PIAS2: variants seen among roughly 807,000 people sequenced by gnomAD.
PIAS2 encodes protein inhibitor of activated STAT 2.
PIAS2 carries 19 observed loss-of-function variants against 69.7 expected under a neutral mutation model. That is an observed-to-expected ratio of 0.27 (90% CI 0.19 to 0.40). PIAS2 has a LOEUF of 0.40. PIAS2 is among the 10% of genes least tolerant of loss of function. PIAS2 has a pLI of 1.00. For synonymous variants in PIAS2, 261 were observed against 263.2 expected, an observed-to-expected ratio of 0.99 and a Z score of 0.08; for missense variants, 624 against 757.0, an observed-to-expected ratio of 0.82 and a Z score of 2.06.
At chr18:46,898,527 G>A (rs2055260818) in intron 1 of PIAS2, among the ~76,000 whole-genome samples, 1 of 151,902 alleles carries the variant, frequency 6.6e-6, no homozygotes, top group Non-Finnish European at 1.5e-5. Flanking sequence ...ACAATCCACT[G>A]AAAAATTTAA....
chr18:46,836,529 G>A lies in PIAS2; in HGVS notation c.1042-12C>T, dbSNP rs2044455585. 1.3e-6 allele frequency: 2 copies of A among 1,596,578 alleles called. No homozygotes were observed. The highest frequency in any genetic ancestry group is 1.3e-5 in the African/African-American group (1 of 74,478). On this transcript the variant is annotated splice_polypyrimidine_tract_variant and intron_variant, in intron 8 of 13. Coordinates refer to ENST00000585916, the MANE Select transcript of PIAS2 (RefSeq NM_004671.5). ...CTCATTTTTCCTAACTACAGGACAGGAAACACAAGGAAAACTATTTCAGAA... is the reference window on the plus strand; with the variant it reads ...CTCATTTTTCCTAACTACAGGACAGAAAACACAAGGAAAACTATTTCAGAA...
chr18:46,856,532 A>G (rs1280508017), intron 3 of PIAS2, among the ~76,000 whole-genome samples: 5 of 152,174 alleles, frequency 3.3e-5, no homozygotes, highest in Admixed American at 6.5e-5. Context: ...GGTCCCATGT[A>G]AAATATATTT....
At chr18:46,908,577 G>A (rs551813450) in intron 1 of PIAS2, among the ~76,000 whole-genome samples, 29 of 152,008 alleles carry the variant, frequency 1.9e-4, no homozygotes, top group African/African-American at 5.8e-4. Context: ...AAAAAACTAC[G>A]TCTTATACTT....
chr18:46,862,769 G>A (rs190874900), intron 3 of PIAS2, among the ~76,000 whole-genome samples: 13 of 152,088 alleles, frequency 8.5e-5, no homozygotes, highest in African/African-American at 2.2e-4. Flanking sequence ...GCAGTGGTGC[G>A]ATCTCGGCTC....
chr18:46,855,103 TAAAAAAAAAAAAAAAA>T (rs59957336), intron 5 of PIAS2, among the ~76,000 whole-genome samples: 2 of 76,346 alleles, frequency 2.6e-5, no homozygotes, highest in South Asian at 1.1e-3. Flanking sequence ...CTTGTCTCTT[TAAAAAAAAAAAAAAAA>T]AAAAAAAAAA....
At chr18:46,813,666 T>C (rs2144706695) in intron 13 of PIAS2, among the ~76,000 whole-genome samples, 1 of 152,290 alleles carries the variant, frequency 6.6e-6, no homozygotes, top group Admixed American at 6.5e-5. Flanking sequence ...TTAGACTACA[T>C]GATTTCCAAG....
intron 1 of PIAS2, among the ~76,000 whole-genome samples, chr18:46,900,517 A>T (rs929947088): frequency 2.0e-5 from 3 of 151,820 alleles, no homozygotes; most frequent in Admixed American, 6.6e-5. Context: ...AAAAAAAAAA[A>T]TTGTTTTTAA....
At chr18:46,891,698 A>C in intron 1 of PIAS2, 3 of 942,914 alleles carry the variant, frequency 3.2e-6, no homozygotes, top group Non-Finnish European at 3.8e-6. Context: ...TGGGTATCCA[A>C]ATGAGAAAAA....
intron 1 of PIAS2, among the ~76,000 whole-genome samples, chr18:46,895,866 G>A (rs1441187643): frequency 7.2e-5 from 11 of 152,116 alleles, no homozygotes; most frequent in Admixed American, 6.6e-4. Flanking sequence ...TGTATTCCTG[G>A]TGAAATCATG....
Position 46,887,550 on chromosome 18 carries a change from C to A in PIAS2, c.499+3030G>T, listed in dbSNP as rs571161278. Among the ~76,000 whole-genome samples the A allele has an allele frequency of 2.0e-5, 3 of 152,244 alleles. No homozygotes were observed. The East Asian group carries it at 5.8e-4, about 29-fold the overall frequency. ...TATATTTGTAAATAACTTCATTAGG[C>A]AGTAAGAATTATAACACAGCAATGC... is the stretch of plus-strand genomic sequence containing the variant. On this transcript the variant is annotated intron_variant, in intron 2 of 13. Coordinates refer to ENST00000585916, the MANE Select transcript of PIAS2 (RefSeq NM_004671.5).
intron 2 of PIAS2, among the ~76,000 whole-genome samples, chr18:46,880,630 A>C (rs556785087): frequency 2.0e-5 from 3 of 152,346 alleles, no homozygotes; most frequent in African/African-American, 7.2e-5. Context: ...AAATTGGGAC[A>C]AAAAATTTAA....
intron 11 of PIAS2, among the ~76,000 whole-genome samples, chr18:46,824,643 T>G (rs979539946): frequency 2.6e-5 from 4 of 152,272 alleles, no homozygotes; most frequent in African/African-American, 4.8e-5. Context: ...GCTTTCTTCT[T>G]GGTGCTTTGT....
intron 3 of PIAS2, among the ~76,000 whole-genome samples, chr18:46,860,694 G>T (rs1356783715): frequency 6.6e-6 from 1 of 152,152 alleles, no homozygotes; most frequent in Admixed American, 6.5e-5. Flanking sequence ...TGGGAATGCT[G>T]GCTCACATCT....
At chr18:46,915,513 G>C (rs1374051772) in intron 1 of PIAS2, 1 of 150,982 alleles carries the variant, frequency 6.6e-6, no homozygotes, top group African/African-American at 2.4e-5. Context: ...TTGTGGGAGA[G>C]GGGCCATCTT....
At position 46,816,215 on chromosome 18, in the gene PIAS2, C is replaced by T. The variant is rs370478377; in HGVS notation, c.1649-866G>A. On this transcript the variant is annotated intron_variant, in intron 12 of 13. Coordinates refer to ENST00000585916, the MANE Select transcript of PIAS2 (RefSeq NM_004671.5). ...TTTATGCTGGCATTCAGAGACACCC[C>T]GAATATAACCACCACACAGAGAAAG... is the stretch of plus-strand genomic sequence containing the variant. 22 of 985,048 alleles carry T rather than the reference C, an allele frequency of 2.2e-5. No individual in the cohort carries two copies. The East Asian group carries it at 5.7e-4, about 25-fold the overall frequency. 61.0% of individuals were successfully genotyped at this position (985,048 alleles called of 1,614,324 possible). A position where few individuals can be genotyped will look rare whatever the true frequency, so the allele number is the denominator to read the frequency against.
At chr18:46,904,969 G>T (rs1461083819) in intron 1 of PIAS2, among the ~76,000 whole-genome samples, 1 of 152,082 alleles carries the variant, frequency 6.6e-6, no homozygotes, top group Non-Finnish European at 1.5e-5. Flanking sequence ...TCTAGTAAAA[G>T]ATTAACTCTG....
chr18:46,822,247 G>A (rs1238140213), intron 11 of PIAS2, among the ~76,000 whole-genome samples: 1 of 152,146 alleles, frequency 6.6e-6, no homozygotes, highest in African/African-American at 2.4e-5. Context: ...CAGTCATCTT[G>A]AGAGTACATA....
rs1339123599 is a variant in PIAS2 at position 46,808,927 on chromosome 18, C to G, written c.*3506G>C. 2 of 134,152 alleles carry G rather than the reference C, an allele frequency of 1.5e-5. No homozygotes were observed. Among genetic ancestry groups the G allele is most frequent in the Non-Finnish European group, 3.1e-5 (2 of 63,708 alleles). The allele number at this position is 134,152 out of a possible 1,614,324, so 8.3% of individuals were successfully genotyped here. ...AAAAAAATTGACTTTACTTAAAATA[C>G]AAACAAACGTCAACTAATGAATACT... On this transcript the variant is annotated 3_prime_UTR_variant, in exon 14 of 14. Coordinates refer to ENST00000585916, the MANE Select transcript of PIAS2 (RefSeq NM_004671.5).
At chr18:46,867,725 GTCC>G (rs1160778962) in intron 2 of PIAS2, among the ~76,000 whole-genome samples, 1 of 152,074 alleles carries the variant, frequency 6.6e-6, no homozygotes, top group African/African-American at 2.4e-5. Flanking sequence ...CTCCCATCAT[GTCC>G]TCCTTTTTAT....
Sources: gnomAD v4.1 joint callset for allele counts (sites outside exome capture counted in the v4.1 genomes callset) on GRCh38, gnomAD v4.1.1 for gene constraint, MANE v1.5 for transcripts, NCBI Gene and HGNC (gene_info 2026-07-23, HGNC 2026-07-21) for gene names.